Variants in PIK3C2G observed in about 807,000 individuals in gnomAD.
PIK3C2G encodes the protein phosphatidylinositol 3-kinase C2 domain-containing subunit gamma.
A neutral mutation model predicts 181.1 loss-of-function variants in PIK3C2G; 168 were observed. The observed-to-expected ratio is 0.93, with a 90% CI of 0.82 to 1.05. The LOEUF (loss-of-function observed/expected upper bound fraction) is 1.05. Ranked by LOEUF, PIK3C2G falls within the 50% of genes least tolerant of loss-of-function variation. The pLI is 0.00. For synonymous variants in PIK3C2G, 573 were observed against 592.2 expected (o/e 0.97, Z 0.47); for missense variants, 1,869 against 1,732.8 (o/e 1.08, Z -1.40).
Position 18,282,386 on chromosome 12 carries a change from G to A in PIK3C2G, c.305G>A (p.Ser102Asn). The A allele has an allele frequency of 2.5e-6, 4 of 1,613,558 alleles. No individual in the cohort carries two copies. The highest frequency in any genetic ancestry group is 3.4e-6 in the Non-Finnish European group (4 of 1,179,578). ...KSRELSWHQV[S>N]KAPAIGFSPS... ...CGTGAACTCTCCTGGCATCAAGTTA[G>A]CAAAGCACCAGCAATTGGTTTTAGT... is the stretch of plus-strand genomic sequence containing the variant. Residue 102 changes from serine to asparagine, a missense_variant, in exon 2 of 33, where the codon AGC (serine) becomes AAC (asparagine). By Grantham distance (46) the Ser-to-Asn change is conservative (BLOSUM62 1). Coordinates refer to ENST00000538779, the MANE Select transcript of PIK3C2G (RefSeq NM_001288772.2).
the PIK3C2G span, among the ~76,000 whole-genome samples, chr12:18,692,066 G>A: frequency 4.9e-4 from 75 of 152,238 alleles, no homozygotes; most frequent in Admixed American, 1.2e-3. Context: ...AGGAAAAGTC[G>A]CAGGAGAAGC....
intron 29 of PIK3C2G, among the ~76,000 whole-genome samples, chr12:18,578,015 A>G (rs1592630025): frequency 6.6e-6 from 1 of 152,180 alleles, no homozygotes; most frequent in African/African-American, 2.4e-5. Flanking sequence ...GTACCTGGTA[A>G]CCAATTGTTT....
chr12:18,392,894 G>C (rs1943624534), intron 15 of PIK3C2G, among the ~76,000 whole-genome samples: 1 of 152,048 alleles, frequency 6.6e-6, no homozygotes, highest in African/African-American at 2.4e-5. Context: ...GAAGATGACA[G>C]AAAATTCTCA....
intron 8 of PIK3C2G, among the ~76,000 whole-genome samples, chr12:18,334,189 C>A (rs1324784666): frequency 6.6e-6 from 1 of 152,034 alleles, no homozygotes; most frequent in Non-Finnish European, 1.5e-5. Flanking sequence ...CTATGCAATG[C>A]AAAAATCTTC....
intron 24 of PIK3C2G, among the ~76,000 whole-genome samples, chr12:18,528,275 A>G (rs541801401): frequency 6.6e-6 from 1 of 152,324 alleles, no homozygotes; most frequent in African/African-American, 2.4e-5. Context: ...CAAGAACAGT[A>G]TAAGCTTAAA....
intron 31 of PIK3C2G, among the ~76,000 whole-genome samples, chr12:18,615,419 A>T (rs55730972): frequency 0.03 from 4,517 of 148,148 alleles, 75 homozygotes; most frequent in Middle Eastern, 0.063. Context: ...GTCACACCTA[A>T]ATGTGGTATA....
rs78616136 is a variant in PIK3C2G, at chr12:18,337,142, G to A, written c.1273-1284G>A. Among the ~76,000 whole-genome samples, 526 of 152,130 alleles carry A rather than the reference G, an allele frequency of 3.5e-3. 1 individual carries two copies. Among genetic ancestry groups the A allele is most frequent in the African/African-American group, 0.012 (513 of 41,514 alleles). ...TTTTTGAAAAACCACAATTGTTAAC[G>A]ATAAAGACAAAGAATATAAAAACAT... On this transcript the variant is annotated intron_variant, in intron 8 of 32. Coordinates refer to ENST00000538779, the MANE Select transcript of PIK3C2G (RefSeq NM_001288772.2).
At chr12:18,516,571 TTC>T (rs1942561272) in intron 24 of PIK3C2G, among the ~76,000 whole-genome samples, 1 of 152,124 alleles carries the variant, frequency 6.6e-6, no homozygotes, top group Admixed American at 6.6e-5. Flanking sequence ...CTAGACCTTT[TTC>T]TCTCTCCTCC....
In PIK3C2G at chr12:18,290,863, A is replaced by T; in HGVS notation, c.770A>T (p.Glu257Val). The change falls in exon 4 of 33, where the codon GAA (glutamate) becomes GTA (valine). Residue 257 changes from glutamate to valine, a missense_variant. Coordinates refer to ENST00000538779, the MANE Select transcript of PIK3C2G (RefSeq NM_001288772.2). The part of the protein sequence containing the change: ...SFCNKVKKIR[E>V]RYHAADVNFN... Reference sequence around the variant, plus strand: ...TAACATATGTTTTTCAGAATCAGAGAAAGATATCATGCAGCTGATGTTAAT... The same window carrying T: ...TAACATATGTTTTTCAGAATCAGAGTAAGATATCATGCAGCTGATGTTAAT... 6.3e-7 allele frequency: 1 copy of T among 1,598,612 alleles called. No individual in the cohort carries two copies. Among genetic ancestry groups the T allele is most frequent in the Non-Finnish European group, 8.6e-7 (1 of 1,167,036 alleles).
chr12:18,521,221 A>C (rs1942891547), intron 24 of PIK3C2G, among the ~76,000 whole-genome samples: 1 of 152,202 alleles, frequency 6.6e-6, no homozygotes, highest in Non-Finnish European at 1.5e-5. Context: ...GGTCTCACCC[A>C]GTTGGGTGGC....
intron 30 of PIK3C2G, among the ~76,000 whole-genome samples, chr12:18,606,665 T>A (rs1160478236): frequency 6.6e-6 from 1 of 152,118 alleles, no homozygotes; most frequent in Non-Finnish European, 1.5e-5. Flanking sequence ...AAAATTATAC[T>A]GATCAGGTGT....
intron 30 of PIK3C2G, among the ~76,000 whole-genome samples, chr12:18,601,755 A>G (rs1947727691): frequency 6.6e-6 from 1 of 152,184 alleles, no homozygotes. Context: ...TACAACAACA[A>G]AAAACGTCCA....
intron 3 of PIK3C2G, among the ~76,000 whole-genome samples, chr12:18,287,824 G>A (rs115829254): frequency 0.018 from 2,715 of 149,432 alleles, 82 homozygotes; most frequent in African/African-American, 0.064. Flanking sequence ...TCACATCATT[G>A]CACTCCAGCC....
chr12:18,395,801 G>T (rs1592149970), intron 15 of PIK3C2G, among the ~76,000 whole-genome samples: 1 of 151,378 alleles, frequency 6.6e-6, no homozygotes, highest in Non-Finnish European at 1.5e-5. Flanking sequence ...GTTAATTCAT[G>T]GTTGGCTGTA....
At chr12:18,417,522 A>C (rs1308600518) in intron 16 of PIK3C2G, among the ~76,000 whole-genome samples, 2 of 152,128 alleles carry the variant, frequency 1.3e-5, no homozygotes, top group Non-Finnish European at 2.9e-5. Context: ...CAACCACCCC[A>C]ACCTTCAGCA....
chr12:18,500,149 A>C (rs1941314955), intron 22 of PIK3C2G, among the ~76,000 whole-genome samples: 1 of 152,098 alleles, frequency 6.6e-6, no homozygotes, highest in African/African-American at 2.4e-5. Flanking sequence ...TTATGGAGGG[A>C]GAGGCGCGGC....
chr12:18,661,952 A>T, the PIK3C2G span, among the ~76,000 whole-genome samples: 12 of 152,142 alleles, frequency 7.9e-5, no homozygotes, highest in Non-Finnish European at 1.3e-4. Flanking sequence ...AAAGAACAAG[A>T]TCATATCATT....
intron 15 of PIK3C2G, among the ~76,000 whole-genome samples, chr12:18,398,201 A>C (rs1330898048): frequency 6.6e-6 from 1 of 152,182 alleles, no homozygotes; most frequent in Non-Finnish European, 1.5e-5. Flanking sequence ...ATTGAACTGA[A>C]GCTGCGGAAT....
At chr12:18,292,140 G>A (rs1414839635) in intron 4 of PIK3C2G, among the ~76,000 whole-genome samples, 30 of 145,022 alleles carry the variant, frequency 2.1e-4, no homozygotes, top group African/African-American at 7.4e-4. Flanking sequence ...AACCAGGGAG[G>A]TGGAGGTTGC....
Sources: allele counts gnomAD v4.1 joint callset (sites outside exome capture counted in the v4.1 genomes callset), GRCh38; gene constraint gnomAD v4.1.1; transcripts MANE v1.5; gene names NCBI Gene and HGNC (gene_info 2026-07-23, HGNC 2026-07-21).